The following NAP1L1 variants were observed in gnomAD, a reference collection of about 807,000 sequenced individuals.
NAP1L1 encodes nucleosome assembly protein 1-like 1.
Under a neutral mutation model 58.9 loss-of-function variants are expected in NAP1L1, and 9 were observed. The observed-to-expected ratio is 0.15, with a 90% CI of 0.09 to 0.27. The LOEUF (loss-of-function observed/expected upper bound fraction) is 0.27. NAP1L1 is among the 10% of genes least tolerant of loss of function. The pLI is 1.00. For synonymous variants in NAP1L1, 130 were observed against 138.3 expected (o/e 0.94, Z 0.42); for missense variants, 302 against 458.8 (o/e 0.66, Z 3.12).
In NAP1L1 at chr12:76,078,007, AG is replaced by A. The variant is rs1376614653; in HGVS notation, c.-20-3769del. Among the ~76,000 whole-genome samples, 18 of 150,876 alleles carry A rather than the reference AG, an allele frequency of 1.2e-4. No individual in the cohort carries two copies. In the East Asian group the frequency reaches 2.1e-3, roughly 18 times the overall value. On this transcript the variant is annotated intron_variant, in intron 1 of 14. Transcript: ENST00000618691. ...AAAAAAAAAAAAAAAAAAAAGGAAA[AG>A]AATTAAAAGTACAGATGTTTTTTAA... is the stretch of plus-strand genomic sequence containing the variant.
At chr12:76,074,999 T>C (rs1283019914) in intron 1 of NAP1L1, among the ~76,000 whole-genome samples, 1 of 152,216 alleles carries the variant, frequency 6.6e-6, no homozygotes, top group East Asian at 1.9e-4. Flanking sequence ...CCTAAGTTCC[T>C]TCTCACTAAA....
At chr12:76,061,683 C>A (rs1949424200) in intron 4 of NAP1L1, among the ~76,000 whole-genome samples, 1 of 152,104 alleles carries the variant, frequency 6.6e-6, no homozygotes, top group Admixed American at 6.5e-5. Context: ...GGAATCTGTG[C>A]AACAGATACA....
In NAP1L1 at chr12:76,037,353, CTTTT is replaced by C. The variant is rs903219993; in HGVS notation, c.*11072_*11075del. 7 of 152,296 alleles carry C rather than the reference CTTTT, an allele frequency of 4.6e-5. No homozygotes were observed. In the East Asian group the frequency reaches 9.7e-4, roughly 21 times the overall value. 9.4% of individuals were successfully genotyped at this position (152,296 alleles called of 1,614,324 possible). A position where few individuals can be genotyped will look rare whatever the true frequency, so the allele number is the denominator to read the frequency against. The stretch of plus-strand genomic sequence containing the variant: ...AGTGCTTTATAATGAGTGCTTAGCG[CTTTT>C]TTTTAACTGTAGTACAAACACAATT... On this transcript the variant is annotated 3_prime_UTR_variant, in exon 15 of 15. Coordinates refer to ENST00000618691, the MANE Select transcript of NAP1L1 (RefSeq NM_004537.7).
At chr12:76,049,562 T>G in intron 13 of NAP1L1, 194 bp downstream of exon 13, 1 of 1,530,670 alleles carries the variant, frequency 6.5e-7, no homozygotes, top group East Asian at 2.5e-5. Context: ...TAAAAAAATG[T>G]TGCTGAGTTT....
rs1421321289 is a variant in NAP1L1 at position 76,047,587 on chromosome 12, G to A, written c.*842C>T. The A allele has an allele frequency of 6.6e-6, 1 of 151,794 alleles. No individual in the cohort carries two copies. Among genetic ancestry groups the A allele is most frequent in the Non-Finnish European group, 1.5e-5 (1 of 67,856 alleles). 9.4% of individuals were successfully genotyped at this position (151,794 alleles called of 1,614,324 possible). ...ACAAAATTAAGACATTATCTTGTAA[G>A]AACTAAAATTGTATTTGAAATTTTT... On this transcript the variant is annotated 3_prime_UTR_variant, in exon 15 of 15. Coordinates refer to ENST00000618691, the MANE Select transcript of NAP1L1 (RefSeq NM_004537.7).
At chr12:76,057,012 G>T (rs2136994141) in intron 6 of NAP1L1, 1 of 203,004 alleles carries the variant, frequency 4.9e-6, no homozygotes, top group Non-Finnish European at 1.0e-5. Context: ...ATAAAAATAG[G>T]CTGGGCACAG....
chr12:76,048,562 G>A, intron 14 of NAP1L1, 98 bp from the exon 15 acceptor site: 1 of 1,227,910 alleles, frequency 8.1e-7, no homozygotes, highest in Non-Finnish European at 1.2e-6. Flanking sequence ...GTAGCTCACT[G>A]TTGTCAAAAG....
chr12:76,049,468 G>A, intron 13 of NAP1L1: 1 of 1,535,602 alleles, frequency 6.5e-7, no homozygotes, highest in Non-Finnish European at 8.7e-7. Flanking sequence ...AATAGTTACT[G>A]CAGCCAACGT....
intron 2 of NAP1L1, among the ~76,000 whole-genome samples, chr12:76,072,810 A>ACTAT (rs1950017479): frequency 6.6e-6 from 1 of 152,202 alleles, no homozygotes; most frequent in Admixed American, 6.5e-5. Context: ...ATCCCATCTT[A>ACTAT]CTATCCTACA....
Position 76,053,196 on chromosome 12 carries a change from ATTAT to A in NAP1L1, c.916+5_916+8del. On this transcript the variant is annotated splice_donor_5th_base_variant and intron_variant, in intron 10 of 14. Transcript: ENST00000618691. ...CAACCGTTAATACTCAAGCTAAAAC[ATTAT>A]TTACCTTCAGGAGGGGCAAAAAAGT... The A allele has an allele frequency of 6.2e-7, 1 of 1,613,560 alleles. No homozygotes were observed. Among genetic ancestry groups the A allele is most frequent in the Non-Finnish European group, 8.5e-7 (1 of 1,179,776 alleles).
At chr12:76,067,003 A>G (rs1949708163) in intron 4 of NAP1L1, among the ~76,000 whole-genome samples, 1 of 148,550 alleles carries the variant, frequency 6.7e-6, no homozygotes, top group Middle Eastern at 3.4e-3. Context: ...AAAATCACAA[A>G]AAAGTTTTTT....
chr12:76,064,146 A>G (rs1468123893), intron 4 of NAP1L1, among the ~76,000 whole-genome samples: 1 of 152,182 alleles, frequency 6.6e-6, no homozygotes, highest in Non-Finnish European at 1.5e-5. Flanking sequence ...CCTTGTCATA[A>G]AAGCTGGGGG....
intron 2 of NAP1L1, among the ~76,000 whole-genome samples, chr12:76,073,654 T>C (rs992382594): frequency 1.3e-5 from 2 of 152,162 alleles, no homozygotes; most frequent in African/African-American, 4.8e-5. Context: ...ATTTTCAAAA[T>C]TAAACACTGA....
intron 9 of NAP1L1, 123 bp from the exon 10 acceptor site, chr12:76,053,473 A>G: frequency 8.4e-7 from 1 of 1,187,138 alleles, no homozygotes; most frequent in Non-Finnish European, 1.2e-6. Flanking sequence ...AATGTTTTCT[A>G]TAGCAGTATA....
At chr12:76,062,773 G>C (rs1949477921) in intron 4 of NAP1L1, among the ~76,000 whole-genome samples, 1 of 152,032 alleles carries the variant, frequency 6.6e-6, no homozygotes, top group African/African-American at 2.4e-5. Context: ...ACAGAGAAGG[G>C]GTACGATCTC....
chr12:76,078,992 T>TACACACAC lies in NAP1L1; in HGVS notation c.-20-4754_-20-4753insGTGTGTGT, dbSNP rs753522753. 9.6e-4 allele frequency among the ~76,000 whole-genome samples: 143 copies of TACACACAC among 149,476 alleles called. 1 individual carries two copies. The highest frequency in any genetic ancestry group is 3.3e-3 in the African/African-American group (129 of 39,478). ...ATAAAATAAAGAATCCATATATATA[T>TACACACAC]ATACACACACACACACACACATATA... On this transcript the variant is annotated intron_variant, in intron 1 of 14. Coordinates refer to ENST00000618691, the MANE Select transcript of NAP1L1 (RefSeq NM_004537.7).
rs1417432724 is a variant in NAP1L1, at chr12:76,055,962, G to C, written c.558+71C>G. On this transcript the variant is annotated intron_variant, in intron 7 of 14. Coordinates refer to ENST00000618691, the MANE Select transcript of NAP1L1 (RefSeq NM_004537.7). ...AGAAAGATCAACACTGAAGAGAACA[G>C]TGATCACAGCCATTTAAACTTCAAA... The C allele has an allele frequency of 6.8e-6, 10 of 1,479,146 alleles. No individual in the cohort carries two copies. The South Asian group carries it at 1.1e-4, about 16-fold the overall frequency. The allele number at this position is 1,479,146 out of a possible 1,614,324, so 91.6% of individuals were successfully genotyped here.
At position 76,066,273 on chromosome 12, in the gene NAP1L1, C is replaced by T. The variant is rs1363486262; in HGVS notation, c.206+1098G>A. 2.6e-5 allele frequency among the ~76,000 whole-genome samples: 4 copies of T among 151,780 alleles called. No homozygotes were observed. The South Asian group carries it at 6.2e-4, about 24-fold the overall frequency. On this transcript the variant is annotated intron_variant, in intron 4 of 14. Transcript: ENST00000618691. ...ATGTAAAAGGTGAAACTATTCAATACGAAATGTAGCAGAAACCAGGAGGGA... is the reference window on the plus strand; with the variant it reads ...ATGTAAAAGGTGAAACTATTCAATATGAAATGTAGCAGAAACCAGGAGGGA...
chr12:76,061,640 A>C (rs535451539), intron 4 of NAP1L1, among the ~76,000 whole-genome samples: 4 of 152,320 alleles, frequency 2.6e-5, no homozygotes, highest in African/African-American at 7.2e-5. Flanking sequence ...CTCTAACAAT[A>C]AATGTTCACA....
Sources: allele counts gnomAD v4.1 joint callset (sites outside exome capture counted in the v4.1 genomes callset), GRCh38; gene constraint gnomAD v4.1.1; transcripts MANE v1.5; gene names NCBI Gene and HGNC (gene_info 2026-07-23, HGNC 2026-07-21).